The following PIK3R1 variants were observed in gnomAD, a reference collection of about 807,000 sequenced individuals.
PIK3R1 encodes phosphoinositide-3-kinase regulatory subunit 1, also known as phosphatidylinositol 3-kinase regulatory subunit alpha.
A neutral mutation model predicts 98.0 loss-of-function variants in PIK3R1; 29 were observed. The observed-to-expected ratio is 0.30, with a 90% CI of 0.22 to 0.40. The LOEUF is 0.40. Ranked by LOEUF, PIK3R1 falls within the 10% of genes least tolerant of loss-of-function variation. The pLI is 1.00. For synonymous variants in PIK3R1, 282 were observed against 311.8 expected (o/e 0.90, Z 1.01); for missense variants, 596 against 872.7 (o/e 0.68, Z 3.99).
chr5:68,290,739 C>T (rs1747342403), intron 7 of PIK3R1: 3 of 1,612,156 alleles, frequency 1.9e-6, no homozygotes, highest in South Asian at 2.2e-5. Context: ...ATGTACAATA[C>T]TGTTTGGAAT....
chr5:68,227,650 G>A (rs1197695030), intron 2 of PIK3R1, among the ~76,000 whole-genome samples: 2 of 152,208 alleles, frequency 1.3e-5, no homozygotes, highest in African/African-American at 4.8e-5. Flanking sequence ...CGGCTGAGAA[G>A]AAACCATTGT....
intron 2 of PIK3R1, among the ~76,000 whole-genome samples, chr5:68,235,142 C>T (rs1218872270): frequency 6.6e-6 from 1 of 152,048 alleles, no homozygotes; most frequent in Non-Finnish European, 1.5e-5. Context: ...GTGGCTCACA[C>T]CTGTAATCCC....
intron 1 of PIK3R1, among the ~76,000 whole-genome samples, chr5:68,216,173 G>T (rs1743868170): frequency 6.6e-6 from 1 of 152,070 alleles, no homozygotes; most frequent in South Asian, 2.1e-4. Flanking sequence ...TGAGATCCCC[G>T]CCATCCTGAC....
intron 2 of PIK3R1, among the ~76,000 whole-genome samples, chr5:68,231,112 C>T (rs1184697906): frequency 6.6e-6 from 1 of 152,176 alleles, no homozygotes; most frequent in Non-Finnish European, 1.5e-5. Context: ...AAATATATTC[C>T]TCTGTCATAT....
intron 2 of PIK3R1, among the ~76,000 whole-genome samples, chr5:68,266,609 C>T (rs1302388577): frequency 6.6e-6 from 1 of 152,152 alleles, no homozygotes; most frequent in Non-Finnish European, 1.5e-5. Flanking sequence ...TCATAACACC[C>T]TTATTGCAGA....
chr5:68,234,008 CTG>C (rs906005933), intron 2 of PIK3R1, among the ~76,000 whole-genome samples: 4 of 152,166 alleles, frequency 2.6e-5, no homozygotes, highest in Non-Finnish European at 5.9e-5. Flanking sequence ...GAAGTTATAA[CTG>C]TGAATTTATT....
In PIK3R1 at chr5:68,298,744, A is replaced by G. The variant is rs1747867916; in HGVS notation, c.*1143A>G. On this transcript the variant is annotated 3_prime_UTR_variant, in exon 16 of 16. Coordinates refer to ENST00000521381, the MANE Select transcript of PIK3R1 (RefSeq NM_181523.3). ...AGCTGCTTTATTCAATAAAAAAAAG[A>G]AATGAAAAAGATATATGAATATGAC... 4.3e-6 allele frequency: 1 copy of G among 233,306 alleles called. No homozygotes were observed. The allele number at this position is 233,306 out of a possible 1,614,324, so 14.5% of individuals were successfully genotyped here. A position where few individuals can be genotyped will look rare whatever the true frequency, so the allele number is the denominator to read the frequency against.
chr5:68,292,742 C>A, intron 8 of PIK3R1: 1 of 1,272,308 alleles, frequency 7.9e-7, no homozygotes, highest in Non-Finnish European at 1.0e-6. Flanking sequence ...TGGAGAAACT[C>A]TTTTGAGATC....
At chr5:68,234,757 A>C (rs747709748) in intron 2 of PIK3R1, among the ~76,000 whole-genome samples, 3 of 152,178 alleles carry the variant, frequency 2.0e-5, no homozygotes, top group African/African-American at 4.8e-5. Flanking sequence ...GATGGTTATA[A>C]CATTTGTTTA....
intron 2 of PIK3R1, among the ~76,000 whole-genome samples, chr5:68,260,422 T>C (rs1745693481): frequency 6.6e-6 from 1 of 152,136 alleles, no homozygotes; most frequent in Admixed American, 6.5e-5. Flanking sequence ...GTGCTGTGCA[T>C]GCATGGGTTA....
chr5:68,228,818 T>C (rs1360579362), intron 2 of PIK3R1, among the ~76,000 whole-genome samples: 1 of 152,198 alleles, frequency 6.6e-6, no homozygotes, highest in Non-Finnish European at 1.5e-5. Context: ...AAAATTTGCA[T>C]TTGATAATTG....
intron 7 of PIK3R1, among the ~76,000 whole-genome samples, chr5:68,288,159 C>T (rs1747158439): frequency 6.6e-6 from 1 of 152,120 alleles, no homozygotes; most frequent in Non-Finnish European, 1.5e-5. Context: ...ACTTGAGCCC[C>T]GCGAGCCAGC....
rs1205418820 is a variant in PIK3R1 at position 68,301,432 on chromosome 5, ATGTG to A, written c.*3837_*3840del. ...TATATATATATATATATATATATAT[ATGTG>A]TGTGTATATATATATATATGTGTAT... On this transcript the variant is annotated 3_prime_UTR_variant, in exon 16 of 16. Transcript: ENST00000521381. The A allele has an allele frequency of 1.1e-4, 8 of 73,542 alleles. No individual in the cohort carries two copies. The highest frequency in any genetic ancestry group is 4.6e-4 in the African/African-American group (8 of 17,310). The allele number at this position is 73,542 out of a possible 1,614,324, so 4.6% of individuals were successfully genotyped here.
chr5:68,216,556 T>G (rs1743891994), intron 1 of PIK3R1, among the ~76,000 whole-genome samples: 2 of 152,116 alleles, frequency 1.3e-5, no homozygotes, highest in Admixed American at 1.3e-4. Flanking sequence ...GGGCGGTTGG[T>G]CGCTGGGGCC....
At chr5:68,244,829 C>T (rs1268271530) in intron 2 of PIK3R1, among the ~76,000 whole-genome samples, 1 of 152,156 alleles carries the variant, frequency 6.6e-6, no homozygotes, top group African/African-American at 2.4e-5. Flanking sequence ...TTTAACTGAA[C>T]ATCATCTATG....
chr5:68,244,139 T>C (rs173702), intron 2 of PIK3R1, among the ~76,000 whole-genome samples: 48,278 of 152,138 alleles, frequency 0.32, 9,279 homozygotes, highest in Admixed American at 0.41. Context: ...TTTTTATTTA[T>C]ATATAAAAAC....
intron 7 of PIK3R1, among the ~76,000 whole-genome samples, chr5:68,285,757 T>C (rs1380413598): frequency 6.6e-6 from 1 of 152,212 alleles, no homozygotes; most frequent in African/African-American, 2.4e-5. Flanking sequence ...TGGTAGAATG[T>C]GTCAGAGTTT....
At chr5:68,263,043 A>G (rs1426770212) in intron 2 of PIK3R1, among the ~76,000 whole-genome samples, 30 of 123,294 alleles carry the variant, frequency 2.4e-4, no homozygotes, top group African/African-American at 7.5e-4. Flanking sequence ...ATGTATACAT[A>G]TATACATGTA....
intron 2 of PIK3R1, among the ~76,000 whole-genome samples, chr5:68,236,719 TC>T (rs1462198898): frequency 6.6e-6 from 1 of 152,208 alleles, no homozygotes; most frequent in African/African-American, 2.4e-5. Context: ...TGTGAAGTGA[TC>T]GGTAACTGAA....
Sources: gnomAD v4.1 joint callset for allele counts (sites outside exome capture counted in the v4.1 genomes callset) on GRCh38, gnomAD v4.1.1 for gene constraint, MANE v1.5 for transcripts, NCBI Gene and HGNC (gene_info 2026-07-23, HGNC 2026-07-21) for gene names.